DPP10: variants seen among roughly 807,000 people sequenced by gnomAD.
DPP10 encodes the protein dipeptidyl peptidase like 10, also known as inactive dipeptidyl peptidase 10.
In DPP10, 33 loss-of-function variants were observed where a neutral mutation model predicts 120.9. That is an observed-to-expected ratio of 0.27 (90% CI 0.21 to 0.37). The LOEUF is 0.37. Ranked by LOEUF, DPP10 falls within the 10% of genes least tolerant of loss-of-function variation. The probability of loss-of-function intolerance (pLI) is 1.00; values close to 1 mark genes in which losing one functional copy is unlikely to be tolerated. For synonymous variants in DPP10, 337 were observed against 326.1 expected (o/e 1.03, Z -0.36); for missense variants, 816 against 942.8 (o/e 0.87, Z 1.76).
At chr2:114,868,764 G>A (rs576151617) in intron 1 of DPP10, among the ~76,000 whole-genome samples, 3 of 152,198 alleles carry the variant, frequency 2.0e-5, no homozygotes, top group African/African-American at 7.2e-5. Flanking sequence ...TAAAATGGAA[G>A]TACAAAAACA....
At chr2:115,053,221 C>A (rs966913038) in intron 1 of DPP10, among the ~76,000 whole-genome samples, 6 of 152,122 alleles carry the variant, frequency 3.9e-5, no homozygotes, top group Non-Finnish European at 7.4e-5. Flanking sequence ...ATCCAAATGG[C>A]CATCAGCTGA....
At chr2:114,782,470 C>A (rs1682421496) in intron 1 of DPP10, among the ~76,000 whole-genome samples, 1 of 151,816 alleles carries the variant, frequency 6.6e-6, no homozygotes, top group South Asian at 2.1e-4. Flanking sequence ...TATTCTAATT[C>A]TAATTTATAC....
At chr2:114,883,348 T>C (rs1217017012) in intron 1 of DPP10, among the ~76,000 whole-genome samples, 1 of 152,174 alleles carries the variant, frequency 6.6e-6, no homozygotes, top group East Asian at 1.9e-4. Flanking sequence ...CAACAAGTGT[T>C]TGTTGATTAA....
Position 115,399,817 on chromosome 2 carries a change from T to G in DPP10, c.271+55905T>G, listed in dbSNP as rs563634265. ...TCTAAGTGTTTCATAAAAATTCTAA[T>G]GGTTCTCTTTACTGGCTTGTATTAG... On this transcript the variant is annotated intron_variant, in intron 3 of 25. Transcript: ENST00000410059. Among the ~76,000 whole-genome samples the G allele has an allele frequency of 5.9e-5, 9 of 152,274 alleles. No individual in the cohort carries two copies. The South Asian group carries it at 1.2e-3, about 21-fold the overall frequency.
chr2:114,822,438 G>A (rs1162455225), intron 1 of DPP10, among the ~76,000 whole-genome samples: 1 of 152,074 alleles, frequency 6.6e-6, no homozygotes, highest in East Asian at 1.9e-4. Flanking sequence ...GCCTGTAATG[G>A]GAGGGGCTGC....
chr2:114,580,306 T>C (rs1182536719), intron 1 of DPP10, among the ~76,000 whole-genome samples: 2 of 152,226 alleles, frequency 1.3e-5, no homozygotes, highest in African/African-American at 2.4e-5. Context: ...AATTGATACA[T>C]TAAAGATGTG....
chr2:115,140,273 T>G (rs2050857475), intron 1 of DPP10, among the ~76,000 whole-genome samples: 1 of 152,100 alleles, frequency 6.6e-6, no homozygotes, highest in South Asian at 2.1e-4. Context: ...ATGTGGATGT[T>G]CTAGGGAAGT....
rs191378767 is a variant in DPP10 at position 114,857,941 on chromosome 2, G to T, written c.60+415103G>T. Among the ~76,000 whole-genome samples the T allele has an allele frequency of 2.6e-5, 4 of 152,176 alleles. No homozygotes were observed. The East Asian group carries it at 7.7e-4, about 29-fold the overall frequency. The stretch of plus-strand genomic sequence containing the variant: ...AGTGAAAAAATTCTGCCCACTTATT[G>T]CCCATGTGACCTTGAGAAAGCTACT... On this transcript the variant is annotated intron_variant, in intron 1 of 25. Transcript: ENST00000410059.
intron 5 of DPP10, among the ~76,000 whole-genome samples, chr2:115,607,507 A>C (rs2083777346): frequency 6.6e-6 from 1 of 152,222 alleles, no homozygotes; most frequent in South Asian, 2.1e-4. Context: ...GGCTACTGAA[A>C]GCATTCTCCT....
chr2:115,168,412 G>A lies in DPP10; in HGVS notation c.61-140827G>A, dbSNP rs995942469. Among the ~76,000 whole-genome samples, 7 of 152,182 alleles carry A rather than the reference G, an allele frequency of 4.6e-5. No individual in the cohort carries two copies. The East Asian group carries it at 1.2e-3, about 25-fold the overall frequency. On this transcript the variant is annotated intron_variant, in intron 1 of 25. Transcript: ENST00000410059. ...AAGCCAGATAAATGATAAAGGGACT[G>A]TAAACTTCTTCATAAACTTATATCC...
chr2:115,798,686 A>G (rs1684819309), intron 19 of DPP10, among the ~76,000 whole-genome samples: 1 of 152,138 alleles, frequency 6.6e-6, no homozygotes, highest in Non-Finnish European at 1.5e-5. Context: ...AAACTTGGGA[A>G]GAAACTAATA....
chr2:115,481,749 A>G (rs535662775), intron 3 of DPP10, among the ~76,000 whole-genome samples: 1 of 152,182 alleles, frequency 6.6e-6, no homozygotes, highest in South Asian at 2.1e-4. Context: ...TTCAGGGTTC[A>G]TCTATCTTGT....
chr2:115,819,015 C>T (rs1436452603), intron 21 of DPP10, among the ~76,000 whole-genome samples: 1 of 152,084 alleles, frequency 6.6e-6, no homozygotes, highest in Non-Finnish European at 1.5e-5. Context: ...CCTAAGATTC[C>T]GTAGACCTTG....
chr2:114,485,706 C>G (rs1013086126), intron 1 of DPP10, among the ~76,000 whole-genome samples: 1 of 152,092 alleles, frequency 6.6e-6, no homozygotes, highest in Non-Finnish European at 1.5e-5. Context: ...CAGCTATCTC[C>G]TCCCCTATCT....
intron 3 of DPP10, among the ~76,000 whole-genome samples, chr2:115,419,015 T>G (rs2069694664): frequency 6.6e-6 from 1 of 152,088 alleles, no homozygotes; most frequent in Non-Finnish European, 1.5e-5. Context: ...TGAAGGGTAA[T>G]TTGTTTTTAC....
intron 1 of DPP10, among the ~76,000 whole-genome samples, chr2:115,288,474 T>C (rs573849580): frequency 5.3e-5 from 8 of 152,176 alleles, no homozygotes; most frequent in African/African-American, 1.9e-4. Flanking sequence ...TCCCAGCACT[T>C]TGGGAGGCCA....
rs1698910420 is a variant in DPP10 at position 114,965,127 on chromosome 2, C to CTTTG, written c.61-344109_61-344108insGTTT. Among the ~76,000 whole-genome samples the CTTTG allele has an allele frequency of 2.7e-5, 4 of 150,334 alleles. No individual in the cohort carries two copies. In the South Asian group the frequency reaches 8.4e-4, roughly 32 times the overall value. The stretch of plus-strand genomic sequence containing the variant: ...GAAGTGGTAAGAGTTCAGTTTGGGA[C>CTTTG]TTTCTTTCTTTCTTTCTTTCTTTTT... On this transcript the variant is annotated intron_variant, in intron 1 of 25. Coordinates refer to ENST00000410059, the MANE Select transcript of DPP10 (RefSeq NM_020868.6).
At chr2:114,931,360 G>T (rs1022001277) in intron 1 of DPP10, among the ~76,000 whole-genome samples, 1 of 152,206 alleles carries the variant, frequency 6.6e-6, no homozygotes. Context: ...ATGGCAGAAA[G>T]TGAAGGGAAG....
intron 1 of DPP10, among the ~76,000 whole-genome samples, chr2:115,007,737 T>A (rs1199432407): frequency 2.0e-5 from 3 of 151,488 alleles, no homozygotes; most frequent in Non-Finnish European, 4.4e-5. Context: ...AGTCTCAGGA[T>A]ACAAAATCAA....
Sources: gnomAD v4.1 joint callset for allele counts (sites outside exome capture counted in the v4.1 genomes callset) on GRCh38, gnomAD v4.1.1 for gene constraint, MANE v1.5 for transcripts, NCBI Gene and HGNC (gene_info 2026-07-23, HGNC 2026-07-21) for gene names.